PTPRT: variants seen among roughly 807,000 people sequenced by gnomAD.
The protein encoded by PTPRT is protein tyrosine phosphatase receptor type T.
In PTPRT, 56 loss-of-function variants were observed where a neutral mutation model predicts 176.8. That is an observed-to-expected ratio of 0.32 (90% CI 0.26 to 0.40). PTPRT has a LOEUF of 0.40. PTPRT is among the 10% of genes least tolerant of loss of function. The probability of loss-of-function intolerance (pLI) is 1.00; values close to 1 mark genes in which losing one functional copy is unlikely to be tolerated. For synonymous variants in PTPRT, 783 were observed against 739.0 expected, an observed-to-expected ratio of 1.06 and a Z score of -0.96; for missense variants, 1,540 against 1,908.2, an observed-to-expected ratio of 0.81 and a Z score of 3.60.
intron 7 of PTPRT, among the ~76,000 whole-genome samples, chr20:42,570,903 C>T (rs76933771): frequency 0.018 from 2,584 of 145,196 alleles, 66 homozygotes; most frequent in African/African-American, 0.062. Flanking sequence ...TGTAAGGCAA[C>T]ATATTCACAG....
intron 7 of PTPRT, among the ~76,000 whole-genome samples, chr20:42,481,563 T>C (rs774103705): frequency 2.0e-5 from 3 of 152,132 alleles, no homozygotes; most frequent in Non-Finnish European, 2.9e-5. Flanking sequence ...ATGGAGGTTG[T>C]TGATCAAGAT....
At chr20:42,598,992 T>C (rs2145783140) in intron 7 of PTPRT, among the ~76,000 whole-genome samples, 1 of 152,242 alleles carries the variant, frequency 6.6e-6, no homozygotes, top group African/African-American at 2.4e-5. Context: ...CCAACAATCA[T>C]CTTATTTGCA....
chr20:42,068,288 A>T (rs1253199917), downstream of PTPRT, among the ~76,000 whole-genome samples: 1 of 152,212 alleles, frequency 6.6e-6, no homozygotes, highest in Non-Finnish European at 1.5e-5. Flanking sequence ...TGAAATCTGA[A>T]GAAGCATGCT....
intron 2 of PTPRT, among the ~76,000 whole-genome samples, chr20:42,865,505 G>A (rs1011087004): frequency 6.6e-6 from 1 of 152,192 alleles, no homozygotes; most frequent in African/African-American, 2.4e-5. Context: ...GCTGTGAATG[G>A]AAAAGTTGCT....
intron 7 of PTPRT, among the ~76,000 whole-genome samples, chr20:42,674,242 A>T (rs2075460631): frequency 6.6e-6 from 1 of 152,202 alleles, no homozygotes; most frequent in Non-Finnish European, 1.5e-5. Context: ...ATTTTGTAAA[A>T]TGTGAATTAT....
intron 2 of PTPRT, among the ~76,000 whole-genome samples, chr20:42,839,267 T>C (rs2078235443): frequency 6.6e-6 from 1 of 151,288 alleles, no homozygotes; most frequent in African/African-American, 2.4e-5. Flanking sequence ...TCTCTCAATG[T>C]CACTCTGAAG....
intron 1 of PTPRT, among the ~76,000 whole-genome samples, chr20:43,188,754 G>GT (rs1555845655): frequency 1.3e-5 from 2 of 150,286 alleles, no homozygotes; most frequent in Admixed American, 1.3e-4. Context: ...ACTCTTGGGG[G>GT]GGGGGGGGCT....
rs1161994908 is a variant in PTPRT, at chr20:42,646,882, C to CTTTTTTTTTTTTTTTTTTTTT, written c.1153+30963_1153+30983dup. Reference sequence around the variant, plus strand: ...TCTAGAGATCCCAACCTAAGACAGCCTTTTTTTTTTTTTTTTTTTTTTTTT... The same window carrying CTTTTTTTTTTTTTTTTTTTTT: ...TCTAGAGATCCCAACCTAAGACAGCCTTTTTTTTTTTTTTTTTTTTTTTTTTTTTTTTTTTTTTTTTTTTTT... On this transcript the variant is annotated intron_variant, in intron 7 of 30. Transcript: ENST00000373187. 2.6e-5 allele frequency among the ~76,000 whole-genome samples: 2 copies of CTTTTTTTTTTTTTTTTTTTTT among 76,282 alleles called. 1 individual carries two copies. The highest frequency in any genetic ancestry group is 1.5e-4 in the African/African-American group (2 of 13,366). The allele number at this position is 76,282 out of a possible 152,430, so 50.0% of individuals were successfully genotyped here.
chr20:42,534,924 C>T (rs1046443632), intron 7 of PTPRT, among the ~76,000 whole-genome samples: 3 of 152,106 alleles, frequency 2.0e-5, no homozygotes, highest in Non-Finnish European at 4.4e-5. Flanking sequence ...TCAGAATGCA[C>T]CCAGTGCTGC....
At chr20:42,236,857 G>T (rs2056253974) in intron 14 of PTPRT, among the ~76,000 whole-genome samples, 1 of 152,040 alleles carries the variant, frequency 6.6e-6, no homozygotes, top group Admixed American at 6.6e-5. Flanking sequence ...AGGCCCTTGT[G>T]GACTGCCCTC....
At chr20:42,839,288 C>G (rs149292266) in intron 2 of PTPRT, among the ~76,000 whole-genome samples, 1,967 of 150,766 alleles carry the variant, frequency 0.013, 35 homozygotes, top group African/African-American at 0.046. Context: ...CTCGGGCACA[C>G]TTACTCTGTG....
chr20:43,141,506 C>T (rs1600742933), intron 1 of PTPRT, among the ~76,000 whole-genome samples: 1 of 152,172 alleles, frequency 6.6e-6, no homozygotes, highest in East Asian at 1.9e-4. Context: ...AAACAAGCCC[C>T]AGACACAAGT....
rs1555839178 is a variant in PTPRT at position 42,389,866 on chromosome 20, A to AG, written c.1561-37582_1561-37581insC. 6.3e-3 allele frequency among the ~76,000 whole-genome samples: 876 copies of AG among 138,430 alleles called. 13 individuals are homozygous for AG. Among genetic ancestry groups the AG allele is most frequent in the African/African-American group, 0.023 (835 of 36,864 alleles). The allele number at this position is 138,430 out of a possible 152,430, so 90.8% of individuals were successfully genotyped here. A position where few individuals can be genotyped will look rare whatever the true frequency, so the allele number is the denominator to read the frequency against. ...CAAAACCCTGTCAAAAAAAAAAAAA[A>AG]AAAGAAAGAAAGCCTTGAGGCTGCC... On this transcript the variant is annotated intron_variant, in intron 9 of 30. Transcript: ENST00000373187.
intron 15 of PTPRT, among the ~76,000 whole-genome samples, chr20:42,231,687 C>A (rs1009409884): frequency 6.6e-6 from 1 of 152,174 alleles, no homozygotes; most frequent in Non-Finnish European, 1.5e-5. Context: ...TGGGCCAAAT[C>A]TGGCTCACTG....
At chr20:42,645,692 A>G (rs1015160504) in intron 7 of PTPRT, among the ~76,000 whole-genome samples, 1 of 151,764 alleles carries the variant, frequency 6.6e-6, no homozygotes, top group African/African-American at 2.4e-5. Context: ...GAATAGAGGA[A>G]AGCCACCCAG....
chr20:42,626,224 T>G (rs557625864), intron 7 of PTPRT, among the ~76,000 whole-genome samples: 2 of 152,222 alleles, frequency 1.3e-5, no homozygotes, highest in South Asian at 4.1e-4. Flanking sequence ...CTCTTGGAAA[T>G]TCTGAGTCAT....
chr20:42,781,595 T>C (rs989959378), intron 3 of PTPRT, among the ~76,000 whole-genome samples: 6 of 152,296 alleles, frequency 3.9e-5, no homozygotes, highest in Non-Finnish European at 7.3e-5. Flanking sequence ...GCTTCTCCTA[T>C]TCTTTAAAAA....
chr20:42,492,760 T>G (rs6030283), intron 7 of PTPRT, among the ~76,000 whole-genome samples: 2,967 of 152,284 alleles, frequency 0.019, 101 homozygotes, highest in African/African-American at 0.068. Flanking sequence ...TGCTCTGTGT[T>G]ATATGAATTA....
chr20:42,589,853 T>A (rs1182903073), intron 7 of PTPRT, among the ~76,000 whole-genome samples: 1 of 152,164 alleles, frequency 6.6e-6, no homozygotes, highest in Admixed American at 6.5e-5. Context: ...AAATACATAT[T>A]GAGCACTGTG....
Sources: allele counts gnomAD v4.1 joint callset (sites outside exome capture counted in the v4.1 genomes callset), GRCh38; gene constraint gnomAD v4.1.1; transcripts MANE v1.5; gene names NCBI Gene and HGNC (gene_info 2026-07-23, HGNC 2026-07-21).